PPARA: variants seen among roughly 807,000 people sequenced by gnomAD.
PPARA encodes peroxisome proliferator-activated receptor alpha.
Under a neutral mutation model 42.2 loss-of-function variants are expected in PPARA, and 22 were observed. The observed-to-expected ratio is 0.52, with a 90% CI of 0.37 to 0.74. PPARA has a LOEUF of 0.74. PPARA is among the 30% of genes least tolerant of loss of function. The pLI is 0.00. For missense variants in PPARA, 465 were observed against 608.2 expected, an observed-to-expected ratio of 0.76 and a Z score of 2.48; for synonymous variants, 242 against 239.3, an observed-to-expected ratio of 1.01 and a Z score of -0.10.
rs1457045305 is a variant in PPARA at position 46,204,061 on chromosome 22, T to G, written c.208+5470T>G. ...TAAACCATGAATCCACTTTCTATCA[T>G]TCTAGGTTGCTTTATATTTCCTAGA... On this transcript the variant is annotated intron_variant, in intron 4 of 8. Coordinates refer to ENST00000407236, the MANE Select transcript of PPARA (RefSeq NM_005036.6). This position sits in a 1 kb window ranked among gnomAD's most constrained non-coding sequence, Gnocchi z 5.2. 6.6e-6 allele frequency among the ~76,000 whole-genome samples: 1 copy of G among 152,260 alleles called. No homozygotes were observed. Among genetic ancestry groups the G allele is most frequent in the East Asian group, 1.9e-4 (1 of 5,202 alleles).
At position 46,203,409 on chromosome 22, in the gene PPARA, G is replaced by A. The variant is rs1932950147; in HGVS notation, c.208+4818G>A. Reference sequence around the variant, plus strand: ...ATTTTATCTCTGCTTTTTCTTCCCGGCTTTATTGCCATAATTGACATACAA... The same window carrying A: ...ATTTTATCTCTGCTTTTTCTTCCCGACTTTATTGCCATAATTGACATACAA... On this transcript the variant is annotated intron_variant, in intron 4 of 8. Coordinates refer to ENST00000407236, the MANE Select transcript of PPARA (RefSeq NM_005036.6). The surrounding 1 kb of genome is among the most constrained non-coding windows in gnomAD (Gnocchi z 5.8). 6.6e-6 allele frequency among the ~76,000 whole-genome samples: 1 copy of A among 151,988 alleles called. No individual in the cohort carries two copies. Among genetic ancestry groups the A allele is most frequent in the South Asian group, 2.1e-4 (1 of 4,820 alleles).
In PPARA at chr22:46,183,513, G is replaced by C. The variant is rs183001078; in HGVS notation, c.-43+6677G>C. On this transcript the variant is annotated intron_variant, in intron 3 of 8. Coordinates refer to ENST00000407236, the MANE Select transcript of PPARA (RefSeq NM_005036.6). This position sits in a 1 kb window ranked among gnomAD's most constrained non-coding sequence, Gnocchi z 5.5. ...TCCCAGCACTTTGCGGGGCCCAGGA[G>C]GGCAGATCACTTGAGTTCAGGAGTT... Among the ~76,000 whole-genome samples the C allele has an allele frequency of 8.2e-3, 1,249 of 152,304 alleles. 15 individuals are homozygous for C. The highest frequency in any genetic ancestry group is 0.029 in the African/African-American group (1,185 of 41,556).
rs141667634 is a variant in PPARA, at chr22:46,184,408, T to C, written c.-43+7572T>C. Among the ~76,000 whole-genome samples the C allele has an allele frequency of 1.9e-3, 296 of 152,336 alleles. 5 individuals carry two copies. The highest frequency in any genetic ancestry group is 0.017 in the Admixed American group (255 of 15,296). ...CTCAGAGAGAGACACAGTTACCTTT[T>C]AGTTACACTAATGGGGAAAACAGGA... On this transcript the variant is annotated intron_variant, in intron 3 of 8. Coordinates refer to ENST00000407236, the MANE Select transcript of PPARA (RefSeq NM_005036.6). The surrounding 1 kb of genome is among the most constrained non-coding windows in gnomAD (Gnocchi z 4.4).
Position 46,231,950 on chromosome 22 carries a change from C to T in PPARA, c.870C>T (p.Phe290=), listed in dbSNP as rs199894775. The T allele has an allele frequency of 5.2e-5, 84 of 1,614,192 alleles. No individual in the cohort carries two copies. Among genetic ancestry groups the T allele is most frequent in the Admixed American group, 5.2e-4 (31 of 60,022 alleles). The change falls in exon 8 of 9, where the codon TTC becomes TTT. Residue 290 remains phenylalanine (F), a synonymous_variant. Transcript: ENST00000407236. The surrounding 1 kb of genome is among the most constrained non-coding windows in gnomAD (Gnocchi z 7.7). ...AGACCGTCACGGAGCTCACGGAATTCGCCAAGGCCATCCCAGGCTTCGCAA... is the reference window on the plus strand; with the variant it reads ...AGACCGTCACGGAGCTCACGGAATTTGCCAAGGCCATCCCAGGCTTCGCAA... The part of the protein sequence containing the change: ...SVETVTELTE[F]AKAIPGFANL...
intron 4 of PPARA, among the ~76,000 whole-genome samples, chr22:46,208,411 G>A (rs747238378): frequency 2.6e-5 from 4 of 152,004 alleles, no homozygotes; most frequent in Admixed American, 6.6e-5. Context: ...AGCCAGGCGC[G>A]GTGGTACACG....
rs1280431394 is a variant in PPARA at position 46,224,979 on chromosome 22, G to T, written c.711+4965G>T. Among the ~76,000 whole-genome samples, 1 of 149,964 alleles carries T rather than the reference G, an allele frequency of 6.7e-6. No homozygotes were observed. The highest frequency in any genetic ancestry group is 1.5e-5 in the Non-Finnish European group (1 of 67,530). ...GGAACAGGCTAGAATGCTGGGGGGG[G>T]GCCTGAAACCGGTGGGGGAGTTGTG... On this transcript the variant is annotated intron_variant, in intron 7 of 8. Coordinates refer to ENST00000407236, the MANE Select transcript of PPARA (RefSeq NM_005036.6). This position sits in a 1 kb window ranked among gnomAD's most constrained non-coding sequence, Gnocchi z 5.7.
At chr22:46,164,719 A>G (rs1926781861) in intron 2 of PPARA, 1 of 152,220 alleles carries the variant, frequency 6.6e-6, no homozygotes, top group Non-Finnish European at 1.5e-5. Flanking sequence ...CTCCACTTAA[A>G]TCTACACCCT....
rs374995290 is a variant in PPARA at position 46,198,430 on chromosome 22, C to T, written c.47C>T (p.Ala16Val). ...CTCTGCCCCCTCTCCCCACTCGAGG[C>T]CGGCGATCTAGAGAGCCCGTTATCT... ...SPLCPLSPLE[A>V]GDLESPLSEE... is the part of the protein sequence containing the mutation. The change falls in exon 4 of 9, where the codon GCC (alanine) becomes GTC (valine). Residue 16 changes from alanine to valine, a missense_variant. This residue lies in a region of PPARA where 152 missense variants were observed against 139.1 expected (regional missense o/e 1.09). Transcript: ENST00000407236. 11 of 1,613,744 alleles carry T rather than the reference C, an allele frequency of 6.8e-6. No homozygotes were observed. Among genetic ancestry groups the T allele is most frequent in the Non-Finnish European group, 9.3e-6 (11 of 1,179,958 alleles).
chr22:46,202,733 T>G (rs891604769), intron 4 of PPARA, among the ~76,000 whole-genome samples: 1 of 147,090 alleles, frequency 6.8e-6, no homozygotes, highest in African/African-American at 2.5e-5. Flanking sequence ...TGGTGCGATC[T>G]TGGCCTGTAA....
rs957967713 is a variant in PPARA at position 46,225,698 on chromosome 22, GAC to G, written c.711+5692_711+5693del. ...ACCTCCACCCCCATACATGCACATG[GAC>G]ACACACATGCACCCACACGCACACA... is the stretch of plus-strand genomic sequence containing the variant. On this transcript the variant is annotated intron_variant, in intron 7 of 8. Coordinates refer to ENST00000407236, the MANE Select transcript of PPARA (RefSeq NM_005036.6). The surrounding 1 kb of genome is among the most constrained non-coding windows in gnomAD (Gnocchi z 4.1). 3.0e-5 allele frequency among the ~76,000 whole-genome samples: 4 copies of G among 134,474 alleles called. No individual in the cohort carries two copies. The highest frequency in any genetic ancestry group is 4.8e-4 in the South Asian group (2 of 4,146). The allele number at this position is 134,474 out of a possible 152,430, so 88.2% of individuals were successfully genotyped here.
intron 4 of PPARA, among the ~76,000 whole-genome samples, chr22:46,206,270 T>TTGTG (rs58068079): frequency 6.7e-6 from 1 of 150,320 alleles, no homozygotes. Flanking sequence ...CCCGGCTAAT[T>TTGTG]TGTGTGTGTG....
intron 4 of PPARA, among the ~76,000 whole-genome samples, chr22:46,213,165 C>G (rs1283444158): frequency 6.6e-6 from 1 of 152,174 alleles, no homozygotes; most frequent in East Asian, 1.9e-4. Context: ...ATGTTGCATT[C>G]CCACCAGCAA....
At position 46,198,362 on chromosome 22, in the gene PPARA, C is replaced by T. The variant is rs778017880; in HGVS notation, c.-22C>T. The T allele has an allele frequency of 2.7e-5, 43 of 1,612,162 alleles. No individual in the cohort carries two copies. Among genetic ancestry groups the T allele is most frequent in the Non-Finnish European group, 3.5e-5 (41 of 1,178,682 alleles). On this transcript the variant is annotated 5_prime_UTR_variant, in exon 4 of 9. Coordinates refer to ENST00000407236, the MANE Select transcript of PPARA (RefSeq NM_005036.6). ...CCCAGTAGCTTGGAGCTCGGCGGCA[C>T]AACCAGCACCATCTGGTCGCGATGG...
At position 46,198,378 on chromosome 22, in the gene PPARA, G is replaced by A; in HGVS notation, c.-6G>A. On this transcript the variant is annotated 5_prime_UTR_variant, in exon 4 of 9. Coordinates refer to ENST00000407236, the MANE Select transcript of PPARA (RefSeq NM_005036.6). ...TCGGCGGCACAACCAGCACCATCTG[G>A]TCGCGATGGTGGACACGGAAAGCCC... 6.2e-7 allele frequency: 1 copy of A among 1,613,594 alleles called. No homozygotes were observed. The highest frequency in any genetic ancestry group is 8.5e-7 in the Non-Finnish European group (1 of 1,179,782).
At chr22:46,220,140 C>G (rs565033888) in intron 7 of PPARA, 126 bp downstream of exon 7, 2 of 1,117,204 alleles carry the variant, frequency 1.8e-6, no homozygotes, top group South Asian at 2.7e-5. Flanking sequence ...CAAAGGACAG[C>G]GAAGATGGAA....
At position 46,203,717 on chromosome 22, in the gene PPARA, CAT is replaced by C. The variant is rs1254001624; in HGVS notation, c.208+5127_208+5128del. 1.3e-5 allele frequency among the ~76,000 whole-genome samples: 2 copies of C among 152,252 alleles called. No homozygotes were observed. The highest frequency in any genetic ancestry group is 4.8e-5 in the African/African-American group (2 of 41,476). On this transcript the variant is annotated intron_variant, in intron 4 of 8. Transcript: ENST00000407236. The surrounding 1 kb of genome is among the most constrained non-coding windows in gnomAD (Gnocchi z 5.8). ...ACAGACTGATTAGCAGGCCACCACACATGAGCTGGAGGCCAGGCTCCTCCCGC... is the reference window on the plus strand; with the variant it reads ...ACAGACTGATTAGCAGGCCACCACACGAGCTGGAGGCCAGGCTCCTCCCGC...
intron 4 of PPARA, among the ~76,000 whole-genome samples, chr22:46,198,853 G>GT (rs1932675315): frequency 6.6e-6 from 1 of 151,692 alleles, no homozygotes; most frequent in Non-Finnish European, 1.5e-5. Flanking sequence ...TAGAGACGGG[G>GT]TTTCACTGTG....
intron 3 of PPARA, among the ~76,000 whole-genome samples, chr22:46,177,949 T>G (rs963768977): frequency 6.6e-6 from 1 of 152,140 alleles, no homozygotes; most frequent in African/African-American, 2.4e-5. Context: ...TCTTGAGGCT[T>G]TAAGTATCTA....
intron 7 of PPARA, among the ~76,000 whole-genome samples, chr22:46,220,930 G>A (rs1005729995): frequency 3.4e-5 from 5 of 145,934 alleles, no homozygotes; most frequent in Non-Finnish European, 7.5e-5. Flanking sequence ...GTGACAGATC[G>A]AGACCCTATC....
Sources: gnomAD v4.1 joint callset for allele counts (sites outside exome capture counted in the v4.1 genomes callset) on GRCh38, gnomAD v4.1.1 for gene constraint, gnomAD v4.1.1 regional missense constraint, Gnocchi (gnomAD v3.1) non-coding constraint, MANE v1.5 for transcripts, NCBI Gene and HGNC (gene_info 2026-07-23, HGNC 2026-07-21) for gene names.